PAXBP1: variants seen among roughly 807,000 people sequenced by gnomAD.
The protein encoded by PAXBP1 is PAX3 and PAX7 binding protein 1, also known as PAX3- and PAX7-binding protein 1.
PAXBP1 carries 44 observed loss-of-function variants against 119.9 expected under a neutral mutation model. The ratio of observed to expected loss-of-function variants is 0.37; its 90% CI spans 0.29 to 0.47. The LOEUF (loss-of-function observed/expected upper bound fraction) is 0.47, where lower values mean the gene tolerates loss of function less well. Ranked by LOEUF, PAXBP1 falls within the 20% of genes least tolerant of loss-of-function variation. PAXBP1 has a pLI of 0.99. For missense variants in PAXBP1, 898 were observed against 1,134.1 expected (o/e 0.79, Z 2.99); for synonymous variants, 393 against 406.6 (o/e 0.97, Z 0.40).
At chr21:32,760,233 A>G (rs2044117111) in intron 5 of PAXBP1, among the ~76,000 whole-genome samples, 1 of 152,208 alleles carries the variant, frequency 6.6e-6, no homozygotes, top group African/African-American at 2.4e-5. Flanking sequence ...GAGTTGGAAG[A>G]AACATCAAAA....
intron 7 of PAXBP1, among the ~76,000 whole-genome samples, chr21:32,758,644 TA>T (rs138934420): frequency 0.42 from 43,545 of 104,052 alleles, 7,344 homozygotes; most frequent in African/African-American, 0.53. Flanking sequence ...TCATCCAGGG[TA>T]AAAAAAAAAA....
chr21:32,751,223 A>G lies in PAXBP1; in HGVS notation c.1508-5T>C. On this transcript the variant is annotated splice_region_variant and splice_polypyrimidine_tract_variant and intron_variant, in intron 8 of 17. Coordinates refer to ENST00000331923, the MANE Select transcript of PAXBP1 (RefSeq NM_016631.4). Reference sequence around the variant, plus strand: ...TTGGTGCCATCAGAGCTTTGTCTGCAAAACAACAACAGTTAAAATTAAAAG... The same window carrying G: ...TTGGTGCCATCAGAGCTTTGTCTGCGAAACAACAACAGTTAAAATTAAAAG... 1.2e-6 allele frequency: 2 copies of G among 1,613,532 alleles called. No individual in the cohort carries two copies. The highest frequency in any genetic ancestry group is 1.7e-6 in the Non-Finnish European group (2 of 1,179,498).
At chr21:32,756,625 C>T (rs1054248840) in intron 7 of PAXBP1, 8 of 267,922 alleles carry the variant, frequency 3.0e-5, no homozygotes, top group Admixed American at 5.3e-5. Context: ...TTAGCAATTA[C>T]TGCCACAACA....
Position 32,771,441 on chromosome 21 carries a change from C to A in PAXBP1, c.228G>T (p.Gly76=). Residue 76 remains glycine (G), a synonymous_variant, in exon 1 of 18, where the codon GGG becomes GGT. Coordinates refer to ENST00000331923, the MANE Select transcript of PAXBP1 (RefSeq NM_016631.4). ...GCTCCGCGCCGCCGGGGAAGCCGCC[C>A]CCGGCCTCAGCCCCGAGGCCCGGGG... ...ALTPGLGAEA[G]GGFPGGAEPG... The A allele has an allele frequency of 6.6e-7, 1 of 1,505,528 alleles. No individual in the cohort carries two copies. The highest frequency in any genetic ancestry group is 2.1e-5 in the Admixed American group (1 of 46,526). The allele number at this position is 1,505,528 out of a possible 1,614,324, so 93.3% of individuals were successfully genotyped here.
chr21:32,742,330 G>T (rs187374960), intron 15 of PAXBP1: 1 of 152,018 alleles, frequency 6.6e-6, no homozygotes, highest in East Asian at 1.9e-4. Flanking sequence ...TGACCTACAA[G>T]ATCCTCTATC....
intron 15 of PAXBP1, chr21:32,742,823 C>G: frequency 3.1e-6 from 1 of 324,270 alleles, no homozygotes; most frequent in South Asian, 2.6e-5. Flanking sequence ...TATTGTTAAT[C>G]TCTTACTGTG....
chr21:32,755,246 C>G lies in PAXBP1; in HGVS notation c.1491G>C (p.Glu497Asp). ...RQDDIKDESS[E>D]FSSHSNKALM... ...TGGACTGACTTGAATGGCTTGAAAACTCCGAAGATTCATCTTTAATATCAT... is the reference window on the plus strand; with the variant it reads ...TGGACTGACTTGAATGGCTTGAAAAGTCCGAAGATTCATCTTTAATATCAT... Residue 497 changes from glutamate (E) to aspartate (D), a missense_variant, in exon 8 of 18, where the codon GAG becomes GAC. Glu to Asp is a conservative substitution (Grantham distance 45). Coordinates refer to ENST00000331923, the MANE Select transcript of PAXBP1 (RefSeq NM_016631.4). 3 of 1,612,028 alleles carry G rather than the reference C, an allele frequency of 1.9e-6. 1 individual carries two copies. The South Asian group carries it at 3.3e-5, about 18-fold the overall frequency.
At chr21:32,744,585 A>G (rs1376090488) in intron 13 of PAXBP1, among the ~76,000 whole-genome samples, 1 of 151,862 alleles carries the variant, frequency 6.6e-6, no homozygotes, top group Non-Finnish European at 1.5e-5. Context: ...GAAAACTAAC[A>G]TCTCTCTGCG....
At chr21:32,738,664 C>A (rs1343103117) in intron 15 of PAXBP1, among the ~76,000 whole-genome samples, 2 of 152,066 alleles carry the variant, frequency 1.3e-5, no homozygotes, top group African/African-American at 4.8e-5. Context: ...TCTATGCACA[C>A]CCCCACCCCG....
At chr21:32,761,442 C>T (rs902741598) in intron 4 of PAXBP1, among the ~76,000 whole-genome samples, 1 of 152,142 alleles carries the variant, frequency 6.6e-6, no homozygotes, top group Non-Finnish European at 1.5e-5. Flanking sequence ...AATCTAATGC[C>T]TCCTAGGAAT....
intron 15 of PAXBP1, chr21:32,742,566 A>T (rs940607017): frequency 6.5e-6 from 1 of 152,790 alleles, no homozygotes; most frequent in African/African-American, 2.4e-5. Flanking sequence ...GTCCCCTTTC[A>T]TAACTCATCA....
At chr21:32,756,142 A>G (rs2044039266) in intron 7 of PAXBP1, 1 of 326,274 alleles carries the variant, frequency 3.1e-6, no homozygotes, top group Non-Finnish European at 5.9e-6. Context: ...CATATAGAAT[A>G]CAAAAGAACA....
chr21:32,735,268 T>G (rs2246110), intron 17 of PAXBP1, among the ~76,000 whole-genome samples: 70,707 of 151,768 alleles, frequency 0.47, 16,613 homozygotes, highest in African/African-American at 0.52. Context: ...AACTTACATA[T>G]GTTTAAATGA....
At chr21:32,748,318 G>A (rs2043906091) in intron 11 of PAXBP1, among the ~76,000 whole-genome samples, 181 bp downstream of exon 11, 1 of 152,128 alleles carries the variant, frequency 6.6e-6, no homozygotes, top group South Asian at 2.1e-4. Context: ...GCTCTGCTGG[G>A]AAGACATGAA....
chr21:32,749,080 A>C (rs2146485821), intron 10 of PAXBP1, among the ~76,000 whole-genome samples: 1 of 152,350 alleles, frequency 6.6e-6, no homozygotes, highest in East Asian at 1.9e-4. Flanking sequence ...CATCATAATC[A>C]GTCACTAATC....
At chr21:32,754,795 C>T (rs560345859) in intron 8 of PAXBP1, among the ~76,000 whole-genome samples, 23 of 152,256 alleles carry the variant, frequency 1.5e-4, no homozygotes, top group African/African-American at 5.5e-4. Flanking sequence ...TATAGCTTCC[C>T]TCCCCCTACC....
chr21:32,770,226 G>GA (rs375780204), intron 1 of PAXBP1, among the ~76,000 whole-genome samples: 10 of 152,028 alleles, frequency 6.6e-5, no homozygotes, highest in South Asian at 2.1e-4. Flanking sequence ...TTTGAGAGGG[G>GA]AAAAAATCAT....
At position 32,771,575 on chromosome 21, in the gene PAXBP1, A is replaced by C; in HGVS notation, c.94T>G (p.Leu32Val). 3 of 1,436,474 alleles carry C rather than the reference A, an allele frequency of 2.1e-6. No homozygotes were observed. The highest frequency in any genetic ancestry group is 2.7e-6 in the Non-Finnish European group (3 of 1,098,758). 89.0% of individuals were successfully genotyped at this position (1,436,474 alleles called of 1,614,324 possible). A position where few individuals can be genotyped will look rare whatever the true frequency, so the allele number is the denominator to read the frequency against. Residue 32 changes from leucine to valine, a missense_variant, in exon 1 of 18, where the codon TTG (leucine) becomes GTG (valine). Leu to Val is a conservative substitution (Grantham distance 32). Around this residue, in one of 2 missense-constraint regions of PAXBP1, gnomAD observed 299 missense variants for 281.4 expected, o/e 1.06. Transcript: ENST00000331923. The part of the protein sequence containing the change: ...ERDEEQEPPP[L>V]LPPPGTGEEA... Reference sequence around the variant, plus strand: ...TCGCCCGTGCCCGGCGGCGGCAACAACGGCGGCGGCTCCTGCTCCTCATCG... The same window carrying C: ...TCGCCCGTGCCCGGCGGCGGCAACACCGGCGGCGGCTCCTGCTCCTCATCG...
intron 8 of PAXBP1, chr21:32,751,425 A>C: frequency 2.1e-6 from 1 of 474,288 alleles, no homozygotes; most frequent in Non-Finnish European, 3.8e-6. Context: ...AAATTAAAGA[A>C]GTGATTTCTT....
Sources: gnomAD v4.1 joint callset for allele counts (sites outside exome capture counted in the v4.1 genomes callset) on GRCh38, gnomAD v4.1.1 for gene constraint, gnomAD v4.1.1 regional missense constraint, MANE v1.5 for transcripts, NCBI Gene and HGNC (gene_info 2026-07-23, HGNC 2026-07-21) for gene names.